Variants in GRIK3 observed in about 807,000 individuals in gnomAD.
GRIK3 encodes glutamate ionotropic receptor kainate type subunit 3.
Under a neutral mutation model 102.5 loss-of-function variants are expected in GRIK3, and 29 were observed. The ratio of observed to expected loss-of-function variants is 0.28; its 90% confidence interval spans 0.21 to 0.39. GRIK3 has a LOEUF of 0.39. Among genes scored for constraint, GRIK3 ranks in the 10% least tolerant of loss-of-function variants. The pLI is 1.00. For missense variants in GRIK3, 908 were observed against 1,252.4 expected, an observed-to-expected ratio of 0.73 and a Z score of 4.15; for synonymous variants, 511 against 504.9, an observed-to-expected ratio of 1.01 and a Z score of -0.16.
At chr1:36,922,926 G>C (rs1445059584) in intron 1 of GRIK3, among the ~76,000 whole-genome samples, 1 of 152,162 alleles carries the variant, frequency 6.6e-6, no homozygotes, top group Non-Finnish European at 1.5e-5. Context: ...TGGAGCCTGG[G>C]GTAAAGGGAG....
chr1:36,932,467 T>G (rs945583945), intron 1 of GRIK3, among the ~76,000 whole-genome samples: 2 of 152,156 alleles, frequency 1.3e-5, no homozygotes, highest in African/African-American at 4.8e-5. Context: ...CTTCGTTTCT[T>G]TGTTCATTGC....
chr1:36,967,316 G>A (rs114826967), intron 1 of GRIK3, among the ~76,000 whole-genome samples: 4 of 152,356 alleles, frequency 2.6e-5, no homozygotes, highest in Non-Finnish European at 4.4e-5. Context: ...ACAAATCTCT[G>A]AAGTGCTTCT....
At chr1:37,022,915 T>C (rs1349106066) in intron 1 of GRIK3, among the ~76,000 whole-genome samples, 1 of 152,226 alleles carries the variant, frequency 6.6e-6, no homozygotes, top group Non-Finnish European at 1.5e-5. Flanking sequence ...CAGCAAGTGC[T>C]ACAACAGGAA....
intron 1 of GRIK3, among the ~76,000 whole-genome samples, chr1:36,911,209 G>T (rs1333682367): frequency 6.6e-6 from 1 of 152,064 alleles, no homozygotes; most frequent in Non-Finnish European, 1.5e-5. Flanking sequence ...GGGAGGTGGG[G>T]GTCTGGGAGA....
At chr1:36,923,398 G>A (rs1641494592) in intron 1 of GRIK3, among the ~76,000 whole-genome samples, 1 of 152,188 alleles carries the variant, frequency 6.6e-6, no homozygotes, top group Non-Finnish European at 1.5e-5. Flanking sequence ...GACACCCAAG[G>A]GGGCATCCCC....
chr1:36,904,121 T>TA (rs1322461112), intron 1 of GRIK3, among the ~76,000 whole-genome samples: 1 of 152,204 alleles, frequency 6.6e-6, no homozygotes, highest in Non-Finnish European at 1.5e-5. Context: ...GCTGTGAACT[T>TA]AAAACTGCTC....
chr1:36,895,085 C>A (rs781110531), intron 1 of GRIK3, among the ~76,000 whole-genome samples: 9 of 152,056 alleles, frequency 5.9e-5, no homozygotes, highest in Non-Finnish European at 8.8e-5. Flanking sequence ...GTTTACCGCC[C>A]AGGGGCACAG....
chr1:36,872,229 A>T lies in GRIK3; in HGVS notation c.691T>A (p.Phe231Ile). 2 of 1,611,416 alleles carry T rather than the reference A, an allele frequency of 1.2e-6. No homozygotes were observed. The highest frequency in any genetic ancestry group is 2.2e-5 in the South Asian group (2 of 90,508). The change falls in exon 4 of 16, where the codon TTC (phenylalanine) becomes ATC (isoleucine). Residue 231 changes from phenylalanine to isoleucine, a missense_variant. By Grantham distance (21) the Phe-to-Ile change is conservative (BLOSUM62 0). This residue lies in a region of GRIK3 where 585 missense variants were observed against 824.9 expected (regional missense o/e 0.71). Coordinates refer to ENST00000373091, the MANE Select transcript of GRIK3 (RefSeq NM_000831.4). The surrounding 1 kb of genome is among the most constrained non-coding windows in gnomAD (Gnocchi z 5.9). ...GCCGCCATAGTGTGGCTGCAGTCGA[A>T]GATAATGCGGAATTCCCGGCCTCGC... ...MKRGREFRII[F>I]DCSHTMAAQI...
Position 36,900,213 on chromosome 1 carries a change from G to A in GRIK3, c.116-9117C>T, listed in dbSNP as rs74224971. On this transcript the variant is annotated intron_variant, in intron 1 of 15. Coordinates refer to ENST00000373091, the MANE Select transcript of GRIK3 (RefSeq NM_000831.4). ...ATATAATGTCTACTCTTAGACCACC[G>A]TGGAATTAAACTAGAAATCAATAAC... Among the ~76,000 whole-genome samples, 125 of 152,254 alleles carry A rather than the reference G, an allele frequency of 8.2e-4. 2 individuals are homozygous for A. In the South Asian group the frequency reaches 9.1e-3, roughly 11 times the overall value.
rs910772884 is a variant in GRIK3, at chr1:37,034,193, C to G, written c.-85G>C. ...CTCTAGGCGCGGGCGCGCAGCAGCC[C>G]CGAAGGCGCCGCCTGGCCCAGCCGC... On this transcript the variant is annotated 5_prime_UTR_variant, in exon 1 of 16. Transcript: ENST00000373091. 6.8e-5 allele frequency: 24 copies of G among 350,584 alleles called. No individual in the cohort carries two copies. Among genetic ancestry groups the G allele is most frequent in the African/African-American group, 5.3e-4 (24 of 45,358 alleles). 21.7% of individuals were successfully genotyped at this position (350,584 alleles called of 1,614,324 possible).
chr1:37,033,576 G>A (rs902059551), intron 1 of GRIK3, among the ~76,000 whole-genome samples: 1 of 152,236 alleles, frequency 6.6e-6, no homozygotes, highest in Non-Finnish European at 1.5e-5. Context: ...CGAAGGGCCC[G>A]CGGGGAGTGA....
intron 1 of GRIK3, among the ~76,000 whole-genome samples, chr1:36,921,092 C>G (rs946223389): frequency 1.1e-4 from 17 of 152,252 alleles, no homozygotes; most frequent in African/African-American, 3.9e-4. Flanking sequence ...AGAGAGAGGG[C>G]AAGTCCTGTG....
rs147262544 is a variant in GRIK3 at position 36,851,447 on chromosome 1, G to A, written c.1213-1023C>T. On this transcript the variant is annotated intron_variant, in intron 8 of 15. Transcript: ENST00000373091. ...CCTTGAGGAGAGGAAAGTGGTAGACGGCATCGAAGAGGCTCTTCTCTTAAG... is the reference window on the plus strand; with the variant it reads ...CCTTGAGGAGAGGAAAGTGGTAGACAGCATCGAAGAGGCTCTTCTCTTAAG... Among the ~76,000 whole-genome samples, 908 of 152,332 alleles carry A rather than the reference G, an allele frequency of 6.0e-3. 12 individuals carry two copies. Among genetic ancestry groups the A allele is most frequent in the African/African-American group, 0.021 (879 of 41,582 alleles).
At chr1:36,958,563 G>A (rs1301221940) in intron 1 of GRIK3, among the ~76,000 whole-genome samples, 2 of 151,146 alleles carry the variant, frequency 1.3e-5, no homozygotes, top group Non-Finnish European at 2.9e-5. Flanking sequence ...GTGAGTCTGT[G>A]CCCTGTGACT....
intron 5 of GRIK3, among the ~76,000 whole-genome samples, chr1:36,866,386 G>A (rs528612218): frequency 1.3e-4 from 20 of 152,356 alleles, no homozygotes; most frequent in African/African-American, 4.6e-4. Context: ...GAGCTGGACA[G>A]CTCCCTGCTG....
chr1:36,828,725 T>C (rs1028140395), intron 10 of GRIK3, among the ~76,000 whole-genome samples: 8 of 152,256 alleles, frequency 5.3e-5, no homozygotes, highest in Admixed American at 6.5e-5. Context: ...CCTTTGGAAC[T>C]GGTCTCTGGA....
rs147740465 is a variant in GRIK3 at position 36,847,257 on chromosome 1, AC to A, written c.1326+3053del. Among the ~76,000 whole-genome samples, 1,079 of 152,300 alleles carry A rather than the reference AC, an allele frequency of 7.1e-3. 14 individuals are homozygous for A. The highest frequency in any genetic ancestry group is 0.024 in the African/African-American group (1,004 of 41,562). ...CAGTAGGAGACTAGGACTATGAGGG[AC>A]CCATGAGGCTGCAAACCCTAATGCC... On this transcript the variant is annotated intron_variant, in intron 9 of 15. Coordinates refer to ENST00000373091, the MANE Select transcript of GRIK3 (RefSeq NM_000831.4).
intron 4 of GRIK3, among the ~76,000 whole-genome samples, chr1:36,871,834 T>C (rs773811047): frequency 2.6e-5 from 4 of 152,206 alleles, no homozygotes; most frequent in Non-Finnish European, 4.4e-5. Flanking sequence ...CTCTGCTTCC[T>C]GGAGTGCTCT....
At chr1:36,975,201 T>C (rs1642182406) in intron 1 of GRIK3, among the ~76,000 whole-genome samples, 4 of 151,798 alleles carry the variant, frequency 2.6e-5, no homozygotes, top group Admixed American at 2.6e-4. Context: ...ACTTTAAATA[T>C]ACATAAATAG....
Sources: allele counts gnomAD v4.1 joint callset (sites outside exome capture counted in the v4.1 genomes callset), GRCh38; gene constraint gnomAD v4.1.1; regional missense constraint gnomAD v4.1.1; non-coding constraint Gnocchi (gnomAD v3.1); transcripts MANE v1.5; gene names NCBI Gene and HGNC (gene_info 2026-07-23, HGNC 2026-07-21).